CROCC2: variants seen among roughly 807,000 people sequenced by gnomAD.
CROCC2 encodes ciliary rootlet coiled-coil protein 2.
Under a neutral mutation model 177.6 loss-of-function variants are expected in CROCC2, and 163 were observed. The observed-to-expected ratio is 0.92, with a 90% CI of 0.81 to 1.05. The LOEUF (loss-of-function observed/expected upper bound fraction) is 1.05. Ranked by LOEUF, CROCC2 falls within the 50% of genes least tolerant of loss-of-function variation. The pLI, the probability that CROCC2 is intolerant of heterozygous loss-of-function variation, is 0.00. For missense variants in CROCC2, 1,929 were observed against 1,797.8 expected, an observed-to-expected ratio of 1.07 and a Z score of -1.32; for synonymous variants, 904 against 787.3, an observed-to-expected ratio of 1.15 and a Z score of -2.48.
intron 27 of CROCC2, among the ~76,000 whole-genome samples, chr2:240,974,365 AG>A (rs1412427864): frequency 3.9e-4 from 36 of 92,988 alleles, no homozygotes; most frequent in African/African-American, 1.4e-3. Context: ...TTTTTTTTTG[AG>A]GGTCTTGCTC....
chr2:240,967,441 A>G lies in CROCC2; in HGVS notation c.4243A>G (p.Lys1415Glu). The G allele has an allele frequency of 1.4e-6, 2 of 1,414,184 alleles. No individual in the cohort carries two copies. Among genetic ancestry groups the G allele is most frequent in the Non-Finnish European group, 2.0e-6 (2 of 1,022,744 alleles). 87.6% of individuals were successfully genotyped at this position (1,414,184 alleles called of 1,614,324 possible). A position where few individuals can be genotyped will look rare whatever the true frequency, so the allele number is the denominator to read the frequency against. ...CCAGAGCCGCGTGGGGCAGCTGCAG[A>G]AAGCCCTGGCTGAGGCGGAAGAAGG... ...RAQSRVGQLQKALAEAEEGQR... is the reference protein window; with the variant it reads ...RAQSRVGQLQEALAEAEEGQR... The change falls in exon 26 of 32, where the codon AAA becomes GAA. Residue 1415 changes from lysine (K) to glutamate (E), a missense_variant. This residue lies in a region of CROCC2 where 388 missense variants were observed against 352.7 expected (regional missense o/e 1.10). Transcript: ENST00000690015.
intron 4 of CROCC2, among the ~76,000 whole-genome samples, chr2:240,923,387 C>A (rs563925134): frequency 6.6e-6 from 1 of 151,860 alleles, no homozygotes; most frequent in South Asian, 2.1e-4. Flanking sequence ...ATGGAGCTGA[C>A]GATGTCATGC....
intron 1 of CROCC2, among the ~76,000 whole-genome samples, chr2:240,911,926 C>T (rs1341036925): frequency 4.6e-5 from 7 of 152,142 alleles, no homozygotes; most frequent in African/African-American, 1.2e-4. Flanking sequence ...GCCTGCCGGC[C>T]GCTGTGAAAA....
In CROCC2 at chr2:240,972,046, T is replaced by C. The variant is rs1355137741; in HGVS notation, c.4401+3784T>C. Among the ~76,000 whole-genome samples the C allele has an allele frequency of 1.3e-5, 2 of 151,986 alleles. No individual in the cohort carries two copies. Among genetic ancestry groups the C allele is most frequent in the Admixed American group, 6.5e-5 (1 of 15,278 alleles). Reference sequence around the variant, plus strand: ...TGTGTGTCAGTAGCTCACTTCTCTGTTTAATTAGAGACTCTCAGATCTGAT... The same window carrying C: ...TGTGTGTCAGTAGCTCACTTCTCTGCTTAATTAGAGACTCTCAGATCTGAT... On this transcript the variant is annotated intron_variant, in intron 27 of 31. Transcript: ENST00000690015. The surrounding 1 kb of genome is among the most constrained non-coding windows in gnomAD (Gnocchi z 7.1).
At chr2:240,959,029 G>A (rs367786516) in intron 19 of CROCC2, 7 of 393,604 alleles carry the variant, frequency 1.8e-5, no homozygotes, top group South Asian at 7.7e-5. Flanking sequence ...GCCCCAGGGC[G>A]CAGGCTGAGC....
rs1412489541 is a variant in CROCC2, at chr2:240,918,786, C to CGT, written c.141_142dup (p.Gly48ValfsTer24). The CGT allele has an allele frequency of 1.7e-6, 1 of 596,844 alleles. No homozygotes were observed. Among genetic ancestry groups the CGT allele is most frequent in the East Asian group, 3.1e-5 (1 of 32,110 alleles). 37.0% of individuals were successfully genotyped at this position (596,844 alleles called of 1,614,324 possible). ...CAGGGAAGACCGGGCGCTGACCGTG[C>CGT]GTGGGGAAGGCCGGCAGGCCTCGCC... On this transcript the variant is annotated frameshift_variant, in exon 2 of 32. Transcript: ENST00000690015. LOFTEE classifies it high-confidence loss of function. This position sits in a 1 kb window ranked among gnomAD's most constrained non-coding sequence, Gnocchi z 6.3.
Position 240,983,010 on chromosome 2 carries a change from C to T in CROCC2, c.4532C>T (p.Ser1511Leu), listed in dbSNP as rs766039618. The stretch of plus-strand genomic sequence containing the variant: ...CACAGGTGCCAGAAGGCTGAGGTAT[C>T]GCTGGAGCCCCTGCGACAGGTGAGG... ...LEHRCQKAEV[S>L]LEPLRQMEQE... Residue 1511 changes from serine to leucine, a missense_variant, in exon 28 of 32, where the codon TCG becomes TTG. Physicochemically the swap from Ser to Leu is moderately radical, Grantham distance 145 (BLOSUM62 -2). Coordinates refer to ENST00000690015, the MANE Select transcript of CROCC2 (RefSeq NM_001351305.2). The T allele has an allele frequency of 7.5e-5, 117 of 1,550,202 alleles. No homozygotes were observed. The highest frequency in any genetic ancestry group is 8.0e-5 in the Non-Finnish European group (92 of 1,146,930).
chr2:240,949,112 C>T lies in CROCC2; in HGVS notation c.2482+15C>T, dbSNP rs1409867374. 2 of 1,508,752 alleles carry T rather than the reference C, an allele frequency of 1.3e-6. No homozygotes were observed. Among genetic ancestry groups the T allele is most frequent in the Non-Finnish European group, 1.8e-6 (2 of 1,129,700 alleles). The allele number at this position is 1,508,752 out of a possible 1,614,324, so 93.5% of individuals were successfully genotyped here. On this transcript the variant is annotated intron_variant, in intron 16 of 31. Coordinates refer to ENST00000690015, the MANE Select transcript of CROCC2 (RefSeq NM_001351305.2). The surrounding 1 kb of genome is among the most constrained non-coding windows in gnomAD (Gnocchi z 4.5). The stretch of plus-strand genomic sequence containing the variant: ...GGCCTTGCAAGGTGCTCCAAGGGCG[C>T]TCCCTCAGCTCCTTCCCCGAAAGTC...
intron 28 of CROCC2, among the ~76,000 whole-genome samples, chr2:240,986,867 G>A (rs1474516445): frequency 1.3e-5 from 2 of 152,190 alleles, no homozygotes; most frequent in African/African-American, 2.4e-5. Flanking sequence ...CTGTGAAGTG[G>A]GGAAGGCAGG....
intron 1 of CROCC2, among the ~76,000 whole-genome samples, chr2:240,914,298 C>T (rs1443413503): frequency 6.6e-6 from 1 of 152,242 alleles, no homozygotes; most frequent in Non-Finnish European, 1.5e-5. Flanking sequence ...CCTCACCCTC[C>T]TCACCCATTA....
rs114802927 is a variant in CROCC2 at position 240,950,630 on chromosome 2, T to C, written c.2829+120T>C. The C allele has an allele frequency of 1.4e-3, 1,153 of 807,312 alleles. 11 individuals are homozygous for C. The African/African-American group carries it at 0.019, about 13-fold the overall frequency. The allele number at this position is 807,312 out of a possible 1,614,324, so 50.0% of individuals were successfully genotyped here. ...GCAGGTCCAACCGCCTACCCACCCA[T>C]CCATCCATCCATCCATCCAACCATC... On this transcript the variant is annotated intron_variant, in intron 18 of 31. Transcript: ENST00000690015.
At chr2:240,967,200 A>G (rs2059689495) in intron 25 of CROCC2, 145 bp from the exon 26 acceptor site, 1 of 396,812 alleles carries the variant, frequency 2.5e-6, no homozygotes, top group Admixed American at 4.4e-5. Flanking sequence ...CCCCGAGCCC[A>G]CGGCCCACAC....
In CROCC2 at chr2:240,959,459, T is replaced by TG; in HGVS notation, c.3087+21dup. ...TGGAGAGAGAGGTGAGAGGCAGGGC[T>TG]GGGGGGCTCCTGGGGATGCCAGAGG... On this transcript the variant is annotated intron_variant, in intron 20 of 31. Coordinates refer to ENST00000690015, the MANE Select transcript of CROCC2 (RefSeq NM_001351305.2). The TG allele has an allele frequency of 1.3e-6, 2 of 1,548,324 alleles. No homozygotes were observed. Among genetic ancestry groups the TG allele is most frequent in the South Asian group, 1.2e-5 (1 of 83,848 alleles).
Position 240,933,124 on chromosome 2 carries a change from C to T in CROCC2, c.1252-7C>T, listed in dbSNP as rs186680392. The T allele has an allele frequency of 3.2e-4, 500 of 1,550,098 alleles. No individual in the cohort carries two copies. The highest frequency in any genetic ancestry group is 3.0e-3 in the Middle Eastern group (18 of 5,940). On this transcript the variant is annotated splice_region_variant and splice_polypyrimidine_tract_variant and intron_variant, in intron 9 of 31. Transcript: ENST00000690015. ...AGAGAGGCCCACAACTTACCCCACCCGAGCAGGAGCTGTGCCTGCAGCTGA... is the reference window on the plus strand; with the variant it reads ...AGAGAGGCCCACAACTTACCCCACCTGAGCAGGAGCTGTGCCTGCAGCTGA...
At chr2:240,937,803 G>C (rs191510789) in intron 14 of CROCC2, among the ~76,000 whole-genome samples, 1 of 152,280 alleles carries the variant, frequency 6.6e-6, no homozygotes, top group East Asian at 1.9e-4. Flanking sequence ...GAGGGGCCTG[G>C]TGGGAGGTGA....
chr2:240,988,180 G>A (rs1389845755), intron 28 of CROCC2, among the ~76,000 whole-genome samples: 1 of 152,192 alleles, frequency 6.6e-6, no homozygotes, highest in East Asian at 1.9e-4. Flanking sequence ...GGTAGGGAGT[G>A]GGTGACTAAG....
At chr2:240,925,596 C>T (rs1187869545) in intron 4 of CROCC2, 128 bp from the exon 5 acceptor site, 4 of 609,632 alleles carry the variant, frequency 6.6e-6, no homozygotes, top group South Asian at 6.0e-5. Flanking sequence ...CGGCTGTGCA[C>T]CTGAGCCCAG....
chr2:240,930,036 T>C (rs909291449), intron 5 of CROCC2, 130 bp from the exon 6 acceptor site: 14 of 524,634 alleles, frequency 2.7e-5, no homozygotes, highest in African/African-American at 2.5e-4. Context: ...GCCTGTGAGA[T>C]ATGGGGGCTT....
Position 240,968,264 on chromosome 2 carries a change from TGG to T in CROCC2, c.4401+5_4401+6del, listed in dbSNP as rs1360078019. On this transcript the variant is annotated splice_donor_region_variant and intron_variant, in intron 27 of 31. Coordinates refer to ENST00000690015, the MANE Select transcript of CROCC2 (RefSeq NM_001351305.2). ...GGCCAGGAGAAGCGGCGGCTGCAGG[TGG>T]GGCAGGCGGCAGGGTGGGTCCCAGG... 43 of 1,526,570 alleles carry T rather than the reference TGG, an allele frequency of 2.8e-5. No homozygotes were observed. Among genetic ancestry groups the T allele is most frequent in the Admixed American group, 1.8e-4 (9 of 50,180 alleles). 94.6% of individuals were successfully genotyped at this position (1,526,570 alleles called of 1,614,324 possible).
Sources: gnomAD v4.1 joint callset for allele counts (sites outside exome capture counted in the v4.1 genomes callset) on GRCh38, gnomAD v4.1.1 for gene constraint, gnomAD v4.1.1 regional missense constraint, Gnocchi (gnomAD v3.1) non-coding constraint, MANE v1.5 for transcripts, NCBI Gene and HGNC (gene_info 2026-07-23, HGNC 2026-07-21) for gene names.